Variants in OTOGL observed in about 807,000 individuals in gnomAD.
The protein encoded by OTOGL is otogelin like, also known as otogelin-like protein.
A neutral mutation model predicts 318.5 loss-of-function variants in OTOGL; 285 were observed. The observed-to-expected ratio is 0.89, with a 90% CI of 0.81 to 0.99. The LOEUF (loss-of-function observed/expected upper bound fraction) is 0.99, where lower values mean the gene tolerates loss of function less well. Ranked by LOEUF, OTOGL falls within the 50% of genes least tolerant of loss-of-function variation. OTOGL has a pLI of 0.00. For missense variants in OTOGL, 2,899 were observed against 2,845.6 expected, an observed-to-expected ratio of 1.02 and a Z score of -0.43; for synonymous variants, 987 against 936.5, an observed-to-expected ratio of 1.05 and a Z score of -0.99.
At chr12:80,172,752 G>T (rs547139935) in intron 1 of OTOGL, among the ~76,000 whole-genome samples, 1 of 152,114 alleles carries the variant, frequency 6.6e-6, no homozygotes, top group East Asian at 1.9e-4. Flanking sequence ...TCGGCTCACC[G>T]CAGCCTCTGC....
intron 4 of OTOGL, among the ~76,000 whole-genome samples, chr12:80,217,292 A>G (rs901149371): frequency 2.6e-5 from 4 of 151,782 alleles, no homozygotes; most frequent in African/African-American, 7.3e-5. Flanking sequence ...TGGGGGGAAG[A>G]CTGGATGATG....
intron 1 of OTOGL, among the ~76,000 whole-genome samples, chr12:80,142,447 T>C (rs768575231): frequency 8.5e-5 from 13 of 152,162 alleles, no homozygotes; most frequent in Non-Finnish European, 5.9e-5. Context: ...ATTAAAACTT[T>C]TCATTCATTT....
chr12:80,233,944 A>G (rs1879606616), intron 9 of OTOGL, among the ~76,000 whole-genome samples: 1 of 124,622 alleles, frequency 8.0e-6, no homozygotes, highest in African/African-American at 3.1e-5. Context: ...ATAATAATAT[A>G]CTTTGATAAT....
intron 27 of OTOGL, among the ~76,000 whole-genome samples, chr12:80,301,697 G>T (rs1460182741): frequency 1.3e-5 from 2 of 152,110 alleles, no homozygotes; most frequent in Non-Finnish European, 2.9e-5. Context: ...AAGCCTTATG[G>T]AGTACCTTTG....
At chr12:80,296,322 G>A (rs945758957) in intron 26 of OTOGL, among the ~76,000 whole-genome samples, 9 of 152,070 alleles carry the variant, frequency 5.9e-5, no homozygotes, top group African/African-American at 1.4e-4. Context: ...AACTAAATTG[G>A]ATAATACATG....
At chr12:80,253,652 A>G in intron 14 of OTOGL, 78 bp downstream of exon 14, 1 of 1,128,372 alleles carries the variant, frequency 8.9e-7, no homozygotes, top group Non-Finnish European at 1.3e-6. Context: ...TGTTTAAAGG[A>G]ATATACTCAT....
intron 53 of OTOGL, 38 bp from the exon 54 acceptor site, chr12:80,367,523 C>G: frequency 1.4e-6 from 2 of 1,393,520 alleles, no homozygotes; most frequent in Non-Finnish European, 1.9e-6. Context: ...CAAAACTCAA[C>G]AGTATATTTT....
chr12:80,262,008 C>A lies in OTOGL; in HGVS notation c.1929C>A (p.His643Gln). Residue 643 changes from histidine (H) to glutamine (Q), a missense_variant, in exon 19 of 59, where the codon CAC (histidine) becomes CAA (glutamine). By Grantham distance (24) the His-to-Gln change is conservative. Coordinates refer to ENST00000547103, the MANE Select transcript of OTOGL (RefSeq NM_001378609.3). ...TGATAGAAGGTACACCACAACTTCA[C>A]GCAAATGCGTGGAGAGTTTCTTCTA... ...SGMIEGTPQL[H>Q]ANAWRVSSTC... 3 of 1,612,994 alleles carry A rather than the reference C, an allele frequency of 1.9e-6. No homozygotes were observed. Among genetic ancestry groups the A allele is most frequent in the Non-Finnish European group, 1.7e-6 (2 of 1,179,298 alleles).
intron 29 of OTOGL, among the ~76,000 whole-genome samples, chr12:80,308,484 T>C (rs1322667247): frequency 2.1e-5 from 3 of 143,586 alleles, no homozygotes; most frequent in Non-Finnish European, 4.6e-5. Flanking sequence ...CTTTCCAGAC[T>C]GGGCAGCCAG....
At chr12:80,303,173 T>G (rs1202446050) in intron 28 of OTOGL, among the ~76,000 whole-genome samples, 6 of 152,154 alleles carry the variant, frequency 3.9e-5, no homozygotes, top group Non-Finnish European at 8.8e-5. Flanking sequence ...TTTTTTTTTT[T>G]GAGACGGAGT....
intron 9 of OTOGL, 40 bp from the exon 10 acceptor site, chr12:80,238,811 C>A (rs1880093180): frequency 1.4e-6 from 2 of 1,450,446 alleles, no homozygotes; most frequent in Non-Finnish European, 9.1e-7. Context: ...TATGATTACA[C>A]CTATTTGTGT....
At chr12:80,263,960 T>C (rs1320003593) in intron 19 of OTOGL, among the ~76,000 whole-genome samples, 2 of 152,138 alleles carry the variant, frequency 1.3e-5, no homozygotes, top group African/African-American at 2.4e-5. Context: ...CATTTGTTTT[T>C]ATATACATAT....
intron 1 of OTOGL, among the ~76,000 whole-genome samples, chr12:80,156,926 A>G (rs1019057401): frequency 1.3e-5 from 2 of 152,144 alleles, no homozygotes; most frequent in South Asian, 2.1e-4. Flanking sequence ...TCTTCCATAT[A>G]CTGATTTCCT....
chr12:80,104,539 G>A (rs1381712469), intron 1 of OTOGL, among the ~76,000 whole-genome samples: 4 of 152,086 alleles, frequency 2.6e-5, no homozygotes, highest in Non-Finnish European at 4.4e-5. Flanking sequence ...ATAATTGAGT[G>A]GATACAGTGC....
intron 1 of OTOGL, among the ~76,000 whole-genome samples, chr12:80,184,566 G>C (rs966230037): frequency 1.3e-5 from 2 of 152,094 alleles, no homozygotes; most frequent in Non-Finnish European, 2.9e-5. Flanking sequence ...GATTCTTAAG[G>C]CTGGGAGGAG....
chr12:80,297,331 CTTT>C (rs5799464), intron 27 of OTOGL, among the ~76,000 whole-genome samples: 5 of 140,662 alleles, frequency 3.6e-5, no homozygotes, highest in Admixed American at 1.4e-4. Context: ...TTGTATATGT[CTTT>C]TTTTTTTTTT....
At chr12:80,115,544 G>A (rs1291588417) in intron 1 of OTOGL, among the ~76,000 whole-genome samples, 1 of 152,148 alleles carries the variant, frequency 6.6e-6, no homozygotes, top group African/African-American at 2.4e-5. Context: ...ACTTAAGGAG[G>A]CAGTCTGTCC....
At chr12:80,343,536 T>TTTA (rs1565999871) in intron 44 of OTOGL, 2 of 123,970 alleles carry the variant, frequency 1.6e-5, no homozygotes, top group Non-Finnish European at 3.4e-5. Flanking sequence ...TTTTTTTTTT[T>TTTA]AACTTTCTTT....
At chr12:80,356,034 T>C in intron 47 of OTOGL, 86 bp downstream of exon 47, 1 of 1,412,500 alleles carries the variant, frequency 7.1e-7, no homozygotes, top group Non-Finnish European at 9.7e-7. Context: ...TATAATGCTT[T>C]GTATTTTTAA....
Sources: gnomAD v4.1 joint callset for allele counts (sites outside exome capture counted in the v4.1 genomes callset) on GRCh38, gnomAD v4.1.1 for gene constraint, MANE v1.5 for transcripts, NCBI Gene and HGNC (gene_info 2026-07-23, HGNC 2026-07-21) for gene names.